GRIN2B: variants seen among roughly 807,000 people sequenced by gnomAD.
The protein encoded by GRIN2B is glutamate ionotropic receptor NMDA type subunit 2B, also known as glutamate receptor ionotropic, NMDA 2B.
Under a neutral mutation model 114.5 loss-of-function variants are expected in GRIN2B, and 5 were observed. The observed-to-expected ratio is 0.04, with a 90% CI of 0.02 to 0.09. The LOEUF (loss-of-function observed/expected upper bound fraction) is 0.09. GRIN2B is among the 10% of genes least tolerant of loss of function. GRIN2B has a pLI of 1.00. For synonymous variants in GRIN2B, 787 were observed against 745.1 expected (o/e 1.06, Z -0.92); for missense variants, 1,108 against 1,943.5 (o/e 0.57, Z 8.08).
At chr12:13,906,805 C>A (rs143180399) in intron 2 of GRIN2B, among the ~76,000 whole-genome samples, 2,096 of 152,204 alleles carry the variant, frequency 0.014, 25 homozygotes, top group Middle Eastern at 0.034. Context: ...TAATTTGTAT[C>A]ATATTAATTT....
Position 13,875,033 on chromosome 12 carries a change from G to A in GRIN2B, c.-18-8807C>T, listed in dbSNP as rs147889420. 6.7e-3 allele frequency among the ~76,000 whole-genome samples: 1,023 copies of A among 152,188 alleles called. 6 individuals are homozygous for A. Among genetic ancestry groups the A allele is most frequent in the Middle Eastern group, 0.024 (7 of 294 alleles). On this transcript the variant is annotated intron_variant, in intron 2 of 13. Transcript: ENST00000609686. Reference sequence around the variant, plus strand: ...ACCCATCACCTTGGTATTAAGCCCAGCATCCATTAGCTATTCTTCCTGATG... The same window carrying A: ...ACCCATCACCTTGGTATTAAGCCCAACATCCATTAGCTATTCTTCCTGATG...
chr12:13,913,598 G>A (rs370040184), intron 2 of GRIN2B, among the ~76,000 whole-genome samples: 1 of 152,186 alleles, frequency 6.6e-6, no homozygotes, highest in East Asian at 1.9e-4. Context: ...TATGCCACCT[G>A]CAGGTGAGTT....
At chr12:13,665,838 A>G (rs1265441283) in intron 5 of GRIN2B, among the ~76,000 whole-genome samples, 2 of 152,178 alleles carry the variant, frequency 1.3e-5, no homozygotes, top group African/African-American at 4.8e-5. Context: ...CCCAGATCCT[A>G]TAGGGAAAAT....
intron 2 of GRIN2B, among the ~76,000 whole-genome samples, chr12:13,942,974 G>C (rs915727421): frequency 3.3e-5 from 5 of 152,050 alleles, no homozygotes; most frequent in Non-Finnish European, 1.5e-5. Context: ...TCCCTCAGAG[G>C]CCCTCCCATC....
intron 2 of GRIN2B, among the ~76,000 whole-genome samples, chr12:13,867,328 A>G (rs1476206342): frequency 6.6e-6 from 1 of 152,198 alleles, no homozygotes; most frequent in Non-Finnish European, 1.5e-5. Context: ...CAAACTAAGG[A>G]CATAATGCTC....
At position 13,646,169 on chromosome 12, in the gene GRIN2B, CA is replaced by C. The variant is rs113510562; in HGVS notation, c.1126-29513del. ...ATAGGAAGTTTCTCTCCCTGATTTA[CA>C]AAAAGTAATTCAAAGACATATATGC... On this transcript the variant is annotated intron_variant, in intron 5 of 13. Coordinates refer to ENST00000609686, the MANE Select transcript of GRIN2B (RefSeq NM_000834.5). 5.6e-3 allele frequency among the ~76,000 whole-genome samples: 855 copies of C among 152,206 alleles called. 7 individuals are homozygous for C. Among genetic ancestry groups the C allele is most frequent in the African/African-American group, 0.02 (815 of 41,536 alleles).
At chr12:13,663,994 T>C (rs1224949058) in intron 5 of GRIN2B, among the ~76,000 whole-genome samples, 1 of 152,202 alleles carries the variant, frequency 6.6e-6, no homozygotes, top group Non-Finnish European at 1.5e-5. Flanking sequence ...TAGGTGCTAT[T>C]ATAATCCCCA....
chr12:13,808,746 AAAAAAAAT>A (rs1382908783), intron 3 of GRIN2B, among the ~76,000 whole-genome samples: 2 of 40,414 alleles, frequency 4.9e-5, no homozygotes, highest in African/African-American at 8.4e-5. Context: ...AGTATAATAA[AAAAAAAAT>A]ATATATATAT....
At chr12:13,794,583 A>G (rs1011645513) in intron 3 of GRIN2B, among the ~76,000 whole-genome samples, 6 of 152,222 alleles carry the variant, frequency 3.9e-5, no homozygotes, top group Admixed American at 2.6e-4. Context: ...TTTTACATCA[A>G]TATGTCTCCA....
At chr12:13,652,641 C>G (rs558359988) in intron 5 of GRIN2B, among the ~76,000 whole-genome samples, 1 of 152,180 alleles carries the variant, frequency 6.6e-6, no homozygotes, top group East Asian at 1.9e-4. Context: ...AAGAGGCAAG[C>G]AAGACACACC....
chr12:13,785,314 G>A (rs1864205060), intron 3 of GRIN2B, among the ~76,000 whole-genome samples: 1 of 152,028 alleles, frequency 6.6e-6, no homozygotes, highest in Admixed American at 6.5e-5. Context: ...TAAAACATGG[G>A]TGTGATCATA....
At chr12:13,880,632 A>T (rs932724392) in intron 2 of GRIN2B, among the ~76,000 whole-genome samples, 1 of 152,176 alleles carries the variant, frequency 6.6e-6, no homozygotes, top group African/African-American at 2.4e-5. Context: ...AGAAGTGAAG[A>T]CCCCAGTTTA....
chr12:13,924,451 G>T (rs1866881022), intron 2 of GRIN2B, among the ~76,000 whole-genome samples: 1 of 152,150 alleles, frequency 6.6e-6, no homozygotes, highest in Admixed American at 6.5e-5. Context: ...GCAGGAGCTG[G>T]ACGTGTATGA....
intron 5 of GRIN2B, among the ~76,000 whole-genome samples, chr12:13,637,010 T>C (rs1400735035): frequency 6.6e-6 from 1 of 152,098 alleles, no homozygotes; most frequent in Non-Finnish European, 1.5e-5. Flanking sequence ...ATCAAGAGTT[T>C]GTATTGGGAC....
chr12:13,964,300 C>T (rs1326639500), intron 2 of GRIN2B, among the ~76,000 whole-genome samples: 1 of 152,180 alleles, frequency 6.6e-6, no homozygotes, highest in Non-Finnish European at 1.5e-5. Context: ...GCCTTCTTCT[C>T]TAGACATTTT....
intron 4 of GRIN2B, among the ~76,000 whole-genome samples, chr12:13,720,858 A>T (rs1042117030): frequency 6.6e-6 from 1 of 152,100 alleles, no homozygotes; most frequent in African/African-American, 2.4e-5. Context: ...CCTACTATAT[A>T]CTGGGATAAG....
intron 2 of GRIN2B, among the ~76,000 whole-genome samples, chr12:13,943,372 T>G (rs530688706): frequency 3.9e-5 from 6 of 152,302 alleles, no homozygotes; most frequent in African/African-American, 1.4e-4. Flanking sequence ...TCAGGCTTGC[T>G]ATTTTCCTGA....
intron 2 of GRIN2B, among the ~76,000 whole-genome samples, chr12:13,975,700 C>T (rs563304394): frequency 6.8e-4 from 104 of 152,292 alleles, no homozygotes; most frequent in African/African-American, 2.3e-3. Context: ...CTAGTCACTA[C>T]GCTAAGTACA....
At chr12:13,883,762 T>C (rs1866104833) in intron 2 of GRIN2B, among the ~76,000 whole-genome samples, 4 of 152,124 alleles carry the variant, frequency 2.6e-5, no homozygotes, top group African/African-American at 9.7e-5. Context: ...TAACAGTGCC[T>C]TTCAAAAAAA....
Sources: gnomAD v4.1 joint callset for allele counts (sites outside exome capture counted in the v4.1 genomes callset) on GRCh38, gnomAD v4.1.1 for gene constraint, MANE v1.5 for transcripts, NCBI Gene and HGNC (gene_info 2026-07-23, HGNC 2026-07-21) for gene names.